Variants in SMYD4 observed in about 807,000 individuals in gnomAD.
SMYD4 encodes the protein protein-lysine N-methyltransferase SMYD4.
A neutral mutation model predicts 72.8 loss-of-function variants in SMYD4; 68 were observed. The ratio of observed to expected loss-of-function variants is 0.93; its 90% CI spans 0.77 to 1.14. The LOEUF (loss-of-function observed/expected upper bound fraction) is 1.14, where lower values mean the gene tolerates loss of function less well. SMYD4 is among the 50% of genes most tolerant of loss of function. The pLI is 0.00. For synonymous variants in SMYD4, 407 were observed against 388.6 expected (o/e 1.05, Z -0.56); for missense variants, 984 against 1,003.7 (o/e 0.98, Z 0.27).
In SMYD4 at chr17:1,789,401, A is replaced by G. The variant is rs375099375; in HGVS notation, c.1538-1797T>C. The stretch of plus-strand genomic sequence containing the variant: ...AACTGTCTCGCAAAACAAAAAAAAC[A>G]AATTCACCAAAGAAATAGTCTAGGT... On this transcript the variant is annotated intron_variant, in intron 5 of 10. Coordinates refer to ENST00000305513, the MANE Select transcript of SMYD4 (RefSeq NM_052928.3). Among the ~76,000 whole-genome samples the G allele has an allele frequency of 1.2e-3, 177 of 152,018 alleles. 1 individual carries two copies. Among genetic ancestry groups the G allele is most frequent in the African/African-American group, 4.0e-3 (167 of 41,468 alleles).
At chr17:1,786,149 G>C (rs1908678977) in intron 7 of SMYD4, among the ~76,000 whole-genome samples, 1 of 152,190 alleles carries the variant, frequency 6.6e-6, no homozygotes, top group Non-Finnish European at 1.5e-5. Flanking sequence ...ACAGTTCTCA[G>C]GTCAATGAAA....
intron 3 of SMYD4, among the ~76,000 whole-genome samples, chr17:1,806,450 T>C (rs1228283839): frequency 6.6e-6 from 1 of 152,178 alleles, no homozygotes; most frequent in African/African-American, 2.4e-5. Flanking sequence ...TTTGTCAAGA[T>C]TTCCTACAGA....
At chr17:1,824,894 C>T (rs370345794) in intron 2 of SMYD4, among the ~76,000 whole-genome samples, 11 of 151,944 alleles carry the variant, frequency 7.2e-5, no homozygotes, top group South Asian at 2.1e-4. Context: ...CAAAGCGCTG[C>T]GATTACAGGC....
rs564526847 is a variant in SMYD4 at position 1,807,189 on chromosome 17, C to T, written c.280-2474G>A. Among the ~76,000 whole-genome samples, 5 of 152,020 alleles carry T rather than the reference C, an allele frequency of 3.3e-5. No homozygotes were observed. The South Asian group carries it at 1.0e-3, about 32-fold the overall frequency. ...ACAGGTGTGAGCCACTGTGCCCGGCCCTGTGCAAAGTTTCTCATCATAGAC... is the reference window on the plus strand; with the variant it reads ...ACAGGTGTGAGCCACTGTGCCCGGCTCTGTGCAAAGTTTCTCATCATAGAC... On this transcript the variant is annotated intron_variant, in intron 3 of 10. Coordinates refer to ENST00000305513, the MANE Select transcript of SMYD4 (RefSeq NM_052928.3).
intron 5 of SMYD4, among the ~76,000 whole-genome samples, chr17:1,792,260 C>T (rs1317204459): frequency 2.0e-5 from 3 of 151,886 alleles, no homozygotes; most frequent in Non-Finnish European, 4.4e-5. Context: ...AGGATGGTCT[C>T]GATCTCCTGA....
Position 1,800,722 on chromosome 17 carries a change from C to T in SMYD4, c.672G>A (p.Glu224=). The part of the protein sequence containing the change: ...KTLEDAALRE[E]NEQLSNASSS... ...ATGAGGCATTGGAAAGTTGTTCATTCTCCTCCCTCAGCGCTGCATCCTCAA... is the reference window on the plus strand; with the variant it reads ...ATGAGGCATTGGAAAGTTGTTCATTTTCCTCCCTCAGCGCTGCATCCTCAA... The change falls in exon 5 of 11, where the codon GAG becomes GAA. Residue 224 remains glutamate (E), a synonymous_variant. Coordinates refer to ENST00000305513, the MANE Select transcript of SMYD4 (RefSeq NM_052928.3). The T allele has an allele frequency of 5.6e-6, 9 of 1,614,232 alleles. No homozygotes were observed. Among genetic ancestry groups the T allele is most frequent in the Non-Finnish European group, 6.8e-6 (8 of 1,180,038 alleles).
At chr17:1,819,126 G>A (rs1168837852) in intron 2 of SMYD4, among the ~76,000 whole-genome samples, 1 of 152,040 alleles carries the variant, frequency 6.6e-6, no homozygotes, top group Non-Finnish European at 1.5e-5. Flanking sequence ...GGAGGCCGAG[G>A]CAGGCGAATC....
chr17:1,822,090 C>T (rs1263749969), intron 2 of SMYD4, among the ~76,000 whole-genome samples: 1 of 150,928 alleles, frequency 6.6e-6, no homozygotes, highest in Non-Finnish European at 1.5e-5. Flanking sequence ...ATATTTTAGG[C>T]ATATATAGTA....
chr17:1,795,458 T>G (rs946158667), intron 5 of SMYD4, among the ~76,000 whole-genome samples: 2 of 151,374 alleles, frequency 1.3e-5, no homozygotes, highest in Non-Finnish European at 2.9e-5. Flanking sequence ...CATCTATCTA[T>G]CTATCTAAGA....
At chr17:1,824,771 C>A (rs149420943) in intron 2 of SMYD4, among the ~76,000 whole-genome samples, 1 of 152,032 alleles carries the variant, frequency 6.6e-6, no homozygotes, top group South Asian at 2.1e-4. Context: ...AGGCACATGC[C>A]GCAATGCCTG....
intron 2 of SMYD4, 32 bp from the exon 3 acceptor site, chr17:1,812,147 A>G (rs1395053288): frequency 6.2e-7 from 1 of 1,601,698 alleles, no homozygotes; most frequent in Admixed American, 1.8e-5. Context: ...CAAAGTAAGC[A>G]GAAATGTGTT....
chr17:1,790,701 G>C (rs1015584555), intron 5 of SMYD4, among the ~76,000 whole-genome samples: 3 of 151,776 alleles, frequency 2.0e-5, no homozygotes, highest in Non-Finnish European at 2.9e-5. Flanking sequence ...ATTTTTAGTA[G>C]AAGACAGGTT....
intron 2 of SMYD4, among the ~76,000 whole-genome samples, chr17:1,823,780 G>C (rs1911016728): frequency 6.6e-6 from 1 of 152,132 alleles, no homozygotes; most frequent in Non-Finnish European, 1.5e-5. Context: ...GTTTTCTGCT[G>C]AAACTTCAGA....
chr17:1,815,504 CT>C (rs35091572), intron 2 of SMYD4, among the ~76,000 whole-genome samples: 95,597 of 133,536 alleles, frequency 0.72, 34,367 homozygotes, highest in Non-Finnish European at 0.81. Flanking sequence ...CCAGCCGATT[CT>C]TTTTTTTTTT....
At chr17:1,788,967 C>G (rs940983670) in intron 5 of SMYD4, among the ~76,000 whole-genome samples, 4 of 152,044 alleles carry the variant, frequency 2.6e-5, no homozygotes, top group African/African-American at 9.7e-5. Context: ...AATTGTGTTT[C>G]TAACAAAACA....
At chr17:1,788,316 C>T (rs1180701278) in intron 5 of SMYD4, among the ~76,000 whole-genome samples, 1 of 151,884 alleles carries the variant, frequency 6.6e-6, no homozygotes, top group Non-Finnish European at 1.5e-5. Flanking sequence ...TGCACCACTG[C>T]ACTCCAGCCT....
chr17:1,811,526 C>T (rs1421198905), intron 3 of SMYD4, among the ~76,000 whole-genome samples: 2 of 152,162 alleles, frequency 1.3e-5, no homozygotes, highest in Non-Finnish European at 2.9e-5. Context: ...AGCAGAATTC[C>T]GCCAGGTTTC....
Position 1,784,545 on chromosome 17 carries a change from A to G in SMYD4, c.1885-84T>C, listed in dbSNP as rs116396929. The G allele has an allele frequency of 7.3e-4, 1,150 of 1,564,994 alleles. 8 individuals carry two copies. In the African/African-American group the frequency reaches 0.014, roughly 19 times the overall value. On this transcript the variant is annotated intron_variant, in intron 7 of 10. Transcript: ENST00000305513. ...TGCTTACATTACAGGACTGCTCCAT[A>G]GTTTCTTACCTCATGGGGGAAAGAG...
rs1911283223 is a variant in SMYD4, at chr17:1,827,942, G to A, written c.53C>T (p.Ser18Leu). ...WKSYLLQKWA[S>L]LPTSVQVTIS... ...TGTGACCTGAACAGACGTCGGGAGTGAAGCCCACTTTTGAAGCAGATATGA... is the reference window on the plus strand; with the variant it reads ...TGTGACCTGAACAGACGTCGGGAGTAAAGCCCACTTTTGAAGCAGATATGA... Residue 18 changes from serine (S) to leucine (L), a missense_variant, in exon 2 of 11, where the codon TCA (serine) becomes TTA (leucine). By Grantham distance (145) the Ser-to-Leu change is moderately radical. Transcript: ENST00000305513. 2 of 1,613,528 alleles carry A rather than the reference G, an allele frequency of 1.2e-6. No individual in the cohort carries two copies. Among genetic ancestry groups the A allele is most frequent in the Non-Finnish European group, 1.7e-6 (2 of 1,179,498 alleles).
Sources: allele counts gnomAD v4.1 joint callset (sites outside exome capture counted in the v4.1 genomes callset), GRCh38; gene constraint gnomAD v4.1.1; transcripts MANE v1.5; gene names NCBI Gene and HGNC (gene_info 2026-07-23, HGNC 2026-07-21).